The following TAF2 variants were observed in gnomAD, a reference collection of about 807,000 sequenced individuals.
TAF2 encodes the protein transcription initiation factor TFIID subunit 2.
A neutral mutation model predicts 138.5 loss-of-function variants in TAF2; 61 were observed. The observed-to-expected ratio is 0.44, with a 90% CI of 0.36 to 0.54. The LOEUF (loss-of-function observed/expected upper bound fraction) is 0.54, where lower values mean the gene tolerates loss of function less well. Ranked by LOEUF, TAF2 falls within the 20% of genes least tolerant of loss-of-function variation. TAF2 has a pLI of 0.00. For synonymous variants in TAF2, 475 were observed against 469.9 expected (o/e 1.01, Z -0.14); for missense variants, 1,090 against 1,427.9 (o/e 0.76, Z 3.81).
intron 23 of TAF2, chr8:119,745,051 A>C: frequency 4.4e-6 from 2 of 456,086 alleles, no homozygotes. Context: ...GGCAATATTC[A>C]AGATCAAAAT....
intron 2 of TAF2, among the ~76,000 whole-genome samples, chr8:119,830,757 T>C (rs1826394377): frequency 6.6e-6 from 1 of 152,190 alleles, no homozygotes; most frequent in African/African-American, 2.4e-5. Context: ...CCAGCTCTCA[T>C]TAACATTTTA....
chr8:119,810,950 T>A (rs894692351), intron 3 of TAF2, among the ~76,000 whole-genome samples: 5 of 152,206 alleles, frequency 3.3e-5, no homozygotes, highest in African/African-American at 9.7e-5. Flanking sequence ...GGGAAGCCAG[T>A]CTCAAATAAT....
chr8:119,793,083 T>C (rs1823552807), intron 10 of TAF2, among the ~76,000 whole-genome samples: 1 of 152,068 alleles, frequency 6.6e-6, no homozygotes, highest in Non-Finnish European at 1.5e-5. Flanking sequence ...TGGGTAACAA[T>C]GTGAGACCCC....
chr8:119,788,913 T>C lies in TAF2; in HGVS notation c.1569-9A>G, dbSNP rs761933378. 3.2e-6 allele frequency: 5 copies of C among 1,556,724 alleles called. No individual in the cohort carries two copies. The highest frequency in any genetic ancestry group is 2.2e-5 in the East Asian group (1 of 44,558). The stretch of plus-strand genomic sequence containing the variant: ...CCACTCCACTCTGATCTCTGAAGAA[T>C]TGTAAAGGAAAGTTTACATACTGAA... On this transcript the variant is annotated splice_polypyrimidine_tract_variant and intron_variant, in intron 12 of 25. Coordinates refer to ENST00000378164, the MANE Select transcript of TAF2 (RefSeq NM_003184.4).
At chr8:119,733,187 C>T (rs756410273) in intron 25 of TAF2, among the ~76,000 whole-genome samples, 2 of 152,010 alleles carry the variant, frequency 1.3e-5, no homozygotes, top group Admixed American at 6.6e-5. Context: ...ACTGATATAC[C>T]CATAAACATG....
At position 119,746,678 on chromosome 8, in the gene TAF2, G is replaced by A. The variant is rs751814203; in HGVS notation, c.3108+27C>T. 30 of 1,604,332 alleles carry A rather than the reference G, an allele frequency of 1.9e-5. 1 individual carries two copies. Among genetic ancestry groups the A allele is most frequent in the South Asian group, 4.4e-5 (4 of 90,902 alleles). On this transcript the variant is annotated intron_variant, in intron 23 of 25. Transcript: ENST00000378164. ...TAGATCCTCTATATAATGAAACTAC[G>A]TCTTCTGTAATACATGTGATTCTTA... is the stretch of plus-strand genomic sequence containing the variant.
At chr8:119,825,258 T>TG (rs1359919272) in intron 2 of TAF2, among the ~76,000 whole-genome samples, 7 of 152,242 alleles carry the variant, frequency 4.6e-5, no homozygotes, top group Admixed American at 2.6e-4. Context: ...CAGACTTGCA[T>TG]GGGGCCTGTA....
At chr8:119,827,249 T>C (rs1563932364) in intron 2 of TAF2, among the ~76,000 whole-genome samples, 1 of 152,202 alleles carries the variant, frequency 6.6e-6, no homozygotes, top group Non-Finnish European at 1.5e-5. Context: ...TCAAATATCA[T>C]GTTCTTCAGA....
intron 6 of TAF2, among the ~76,000 whole-genome samples, chr8:119,800,985 T>G (rs1824214980): frequency 6.6e-6 from 1 of 152,198 alleles, no homozygotes; most frequent in African/African-American, 2.4e-5. Context: ...GCCTGTCAAT[T>G]GATAAATGAA....
At chr8:119,745,070 TG>T (rs1819864560) in intron 23 of TAF2, 1 of 455,744 alleles carries the variant, frequency 2.2e-6, no homozygotes. Flanking sequence ...ATTAGATTTC[TG>T]AAGACGAGTA....
At position 119,762,499 on chromosome 8, in the gene TAF2, T is replaced by A; in HGVS notation, c.2474A>T (p.Asp825Val). 6.2e-7 allele frequency: 1 copy of A among 1,614,002 alleles called. No homozygotes were observed. The highest frequency in any genetic ancestry group is 8.5e-7 in the Non-Finnish European group (1 of 1,179,946). ...GATTTCTTCAAGAATGAGTCGCACA[T>A]CAGGATTTAAGTTATCCAAAGTTCT... ...EVRTLDNLNP[D>V]VRLILEEITR... The change falls in exon 19 of 26, where the codon GAT becomes GTT. Residue 825 changes from aspartate (D) to valine (V), a missense_variant. Physicochemically the swap from Asp to Val is radical, Grantham distance 152 (BLOSUM62 -3). Around this residue, in one of 3 missense-constraint regions of TAF2, gnomAD observed 580 missense variants for 719.6 expected, o/e 0.81. Coordinates refer to ENST00000378164, the MANE Select transcript of TAF2 (RefSeq NM_003184.4).
In TAF2 at chr8:119,777,078, T is replaced by C. The variant is rs139196044; in HGVS notation, c.2364+941A>G. On this transcript the variant is annotated intron_variant, in intron 18 of 25. Coordinates refer to ENST00000378164, the MANE Select transcript of TAF2 (RefSeq NM_003184.4). ...AGTATAGTATTAACAATGATATATATGGCATTTACATTGTATTAGGTAGTA... is the reference window on the plus strand; with the variant it reads ...AGTATAGTATTAACAATGATATATACGGCATTTACATTGTATTAGGTAGTA... Among the ~76,000 whole-genome samples the C allele has an allele frequency of 2.0e-4, 30 of 152,346 alleles. No homozygotes were observed. The East Asian group carries it at 2.3e-3, about 12-fold the overall frequency.
intron 3 of TAF2, among the ~76,000 whole-genome samples, chr8:119,811,138 T>C (rs543608582): frequency 7.2e-5 from 11 of 152,236 alleles, no homozygotes; most frequent in African/African-American, 2.4e-4. Flanking sequence ...CAATCCTCCT[T>C]ACAGAAATGC....
chr8:119,751,647 T>A (rs1378896308), intron 22 of TAF2, among the ~76,000 whole-genome samples: 2 of 152,278 alleles, frequency 1.3e-5, no homozygotes, highest in East Asian at 3.9e-4. Context: ...ACTTAGTTAA[T>A]ACACAGAAAA....
intron 3 of TAF2, among the ~76,000 whole-genome samples, chr8:119,812,602 T>C (rs1029370571): frequency 6.6e-6 from 1 of 152,188 alleles, no homozygotes; most frequent in African/African-American, 2.4e-5. Flanking sequence ...AATGAGAACA[T>C]ATGGTATTTG....
At chr8:119,751,022 C>T (rs1227728826) in intron 22 of TAF2, among the ~76,000 whole-genome samples, 1 of 152,026 alleles carries the variant, frequency 6.6e-6, no homozygotes, top group African/African-American at 2.4e-5. Flanking sequence ...AAAAAAAACA[C>T]TCTATTAGGC....
chr8:119,746,373 CAAA>C (rs11392436), intron 23 of TAF2, among the ~76,000 whole-genome samples: 4,598 of 53,946 alleles, frequency 0.085, 131 homozygotes, highest in African/African-American at 0.24. Context: ...AACTCTGTCT[CAAA>C]AAAAAAAAAA....
intron 2 of TAF2, 101 bp from the exon 3 acceptor site, chr8:119,819,607 C>CA: frequency 1.1e-6 from 1 of 943,770 alleles, no homozygotes; most frequent in Non-Finnish European, 1.7e-6. Context: ...ACTACAGAGA[C>CA]AAAATCCCTA....
chr8:119,770,679 AAT>A (rs1821768943), intron 18 of TAF2, among the ~76,000 whole-genome samples: 1 of 152,190 alleles, frequency 6.6e-6, no homozygotes, highest in Admixed American at 6.5e-5. Context: ...ATAATTACAC[AAT>A]TAAGGCCCCA....
Sources: gnomAD v4.1 joint callset for allele counts (sites outside exome capture counted in the v4.1 genomes callset) on GRCh38, gnomAD v4.1.1 for gene constraint, gnomAD v4.1.1 regional missense constraint, MANE v1.5 for transcripts, NCBI Gene and HGNC (gene_info 2026-07-23, HGNC 2026-07-21) for gene names.